The following NKTR variants were observed in gnomAD, a reference collection of about 807,000 sequenced individuals.
NKTR encodes the protein NK-tumor recognition protein.
In NKTR, 67 loss-of-function variants were observed where a neutral mutation model predicts 156.3. The ratio of observed to expected loss-of-function variants is 0.43; its 90% CI spans 0.35 to 0.53. The LOEUF is 0.53. Among genes scored for constraint, NKTR ranks in the 20% least tolerant of loss-of-function variants. The pLI is 0.01. For missense variants in NKTR, 1,604 were observed against 1,730.9 expected, an observed-to-expected ratio of 0.93 and a Z score of 1.30; for synonymous variants, 640 against 596.6, an observed-to-expected ratio of 1.07 and a Z score of -1.06.
intron 2 of NKTR, among the ~76,000 whole-genome samples, chr3:42,613,404 C>A (rs9847303): frequency 2.3e-3 from 349 of 152,248 alleles, no homozygotes; most frequent in African/African-American, 8.2e-3. Context: ...TTGCTCTTGG[C>A]CTACCTAGTG....
intron 6 of NKTR, chr3:42,629,306 T>A: frequency 1.0e-6 from 1 of 964,812 alleles, no homozygotes; most frequent in Non-Finnish European, 1.2e-6. Flanking sequence ...TATTTGAGAT[T>A]TTTGCTTTTA....
rs1208110669 is a variant in NKTR, at chr3:42,617,644, G to C, written c.133G>C (p.Gly45Arg). Residue 45 changes from glycine (G) to arginine (R), a missense_variant and splice_region_variant, in exon 3 of 17, where the codon GGA becomes CGA. Physicochemically the swap from Gly to Arg is moderately radical, Grantham distance 125. Coordinates refer to ENST00000232978, the MANE Select transcript of NKTR (RefSeq NM_005385.4). ...TCKNFLCLCS[G>R]EKGLGKTTGK... Reference sequence around the variant, plus strand: ...CAAAAACTTCCTTTGCTTGTGCTCAGGTAAGTGAATTATTATTTCCAATGA... The same window carrying C: ...CAAAAACTTCCTTTGCTTGTGCTCACGTAAGTGAATTATTATTTCCAATGA... 6.5e-7 allele frequency: 1 copy of C among 1,541,300 alleles called. No homozygotes were observed. Among genetic ancestry groups the C allele is most frequent in the Non-Finnish European group, 9.0e-7 (1 of 1,114,428 alleles).
chr3:42,600,936 C>T (rs1705345548), intron 1 of NKTR, 48 bp from the exon 2 acceptor site: 40 of 1,247,234 alleles, frequency 3.2e-5, no homozygotes, highest in Non-Finnish European at 4.2e-5. Context: ...CTGCCCTCGC[C>T]CCCGCCCTCG....
At chr3:42,630,432 TA>T (rs1708786773) in intron 6 of NKTR, 113 bp from the exon 7 acceptor site, 1 of 1,553,414 alleles carries the variant, frequency 6.4e-7, no homozygotes, top group Non-Finnish European at 8.7e-7. Flanking sequence ...CTTTTTCCCC[TA>T]TCTTTTTATC....
At chr3:42,628,659 C>A (rs1004161786) in intron 6 of NKTR, 4 of 985,352 alleles carry the variant, frequency 4.1e-6, no homozygotes, top group African/African-American at 1.7e-5. Flanking sequence ...GTTTTTACTT[C>A]TAAATATTTG....
chr3:42,622,860 A>C (rs1281415161), intron 6 of NKTR, among the ~76,000 whole-genome samples: 1 of 152,056 alleles, frequency 6.6e-6, no homozygotes, highest in Non-Finnish European at 1.5e-5. Flanking sequence ...AACTGTGAAC[A>C]TGAAAAACGT....
Position 42,636,906 on chromosome 3 carries a change from G to A in NKTR, c.1202G>A (p.Ser401Asn), listed in dbSNP as rs1271586336. The A allele has an allele frequency of 1.3e-6, 2 of 1,579,880 alleles. No individual in the cohort carries two copies. Among genetic ancestry groups the A allele is most frequent in the East Asian group, 2.2e-5 (1 of 44,718 alleles). Residue 401 changes from serine (S) to asparagine (N), a missense_variant, in exon 13 of 17, where the codon AGC becomes AAC. Physicochemically the swap from Ser to Asn is conservative, Grantham distance 46. Coordinates refer to ENST00000232978, the MANE Select transcript of NKTR (RefSeq NM_005385.4). ...DPCSSRWDER[S>N]LSQRSRSWSY... ...TGTTCAAGCCGATGGGATGAAAGAA[G>A]CTTGTCTCAGAGATCCAGATCATGG...
At chr3:42,625,658 G>T (rs1029782234) in intron 6 of NKTR, among the ~76,000 whole-genome samples, 1 of 152,118 alleles carries the variant, frequency 6.6e-6, no homozygotes, top group Non-Finnish European at 1.5e-5. Context: ...TATGTAAGAA[G>T]AAATGCTAGT....
intron 3 of NKTR, 142 bp from the exon 4 acceptor site, chr3:42,618,878 T>C: frequency 2.9e-6 from 2 of 679,184 alleles, no homozygotes. Flanking sequence ...GTATGTTAAA[T>C]TATCATGTCA....
intron 2 of NKTR, among the ~76,000 whole-genome samples, chr3:42,609,679 G>A (rs559166840): frequency 1.0e-3 from 159 of 152,320 alleles, no homozygotes; most frequent in South Asian, 2.3e-3. Flanking sequence ...TTTGAGTCTT[G>A]TCTAAGAACA....
intron 6 of NKTR, 82 bp from the exon 7 acceptor site, chr3:42,630,464 A>T: frequency 6.3e-7 from 1 of 1,598,662 alleles, no homozygotes; most frequent in Non-Finnish European, 8.5e-7. Flanking sequence ...TGTTCTCTAC[A>T]TGCTGTGTTT....
chr3:42,646,615 C>T lies in NKTR; in HGVS notation c.*640C>T, dbSNP rs1189517318. The T allele has an allele frequency of 6.6e-6, 1 of 152,624 alleles. No homozygotes were observed. Among genetic ancestry groups the T allele is most frequent in the African/African-American group, 2.4e-5 (1 of 41,436 alleles). The allele number at this position is 152,624 out of a possible 1,614,324, so 9.5% of individuals were successfully genotyped here. On this transcript the variant is annotated 3_prime_UTR_variant, in exon 17 of 17. Coordinates refer to ENST00000232978, the MANE Select transcript of NKTR (RefSeq NM_005385.4). ...GGCAAGGTTAGGAAGAATCAATCAG[C>T]CTTAACTATAAATACCTGCACTGTC...
intron 8 of NKTR, among the ~76,000 whole-genome samples, chr3:42,632,312 T>C (rs1708991809): frequency 6.6e-6 from 1 of 151,900 alleles, no homozygotes; most frequent in African/African-American, 2.4e-5. Context: ...CTCAAGTGAT[T>C]TGCTCACCTT....
intron 6 of NKTR, chr3:42,630,288 G>T: frequency 8.3e-7 from 1 of 1,210,756 alleles, no homozygotes; most frequent in East Asian, 3.5e-5. Context: ...AAGTCAAACT[G>T]ATTTCATATG....
At chr3:42,642,637 GTCC>G in intron 14 of NKTR, 41 bp downstream of exon 14, 1 of 1,449,808 alleles carries the variant, frequency 6.9e-7, no homozygotes, top group South Asian at 1.1e-5. Context: ...TCTCCATCAT[GTCC>G]ACTTTTTAAG....
intron 8 of NKTR, among the ~76,000 whole-genome samples, chr3:42,632,366 G>A (rs976039750): frequency 7.9e-5 from 12 of 151,650 alleles, no homozygotes; most frequent in Non-Finnish European, 1.8e-4. Context: ...TCACTGCACC[G>A]GGCCTATTTC....
At chr3:42,642,187 G>GT (rs1709944753) in intron 13 of NKTR, among the ~76,000 whole-genome samples, 1 of 151,836 alleles carries the variant, frequency 6.6e-6, no homozygotes, top group Non-Finnish European at 1.5e-5. Context: ...CTACCTTAAT[G>GT]TTTTTTTAAC....
At chr3:42,608,451 A>G (rs1443696326) in intron 2 of NKTR, among the ~76,000 whole-genome samples, 1 of 152,154 alleles carries the variant, frequency 6.6e-6, no homozygotes, top group Non-Finnish European at 1.5e-5. Flanking sequence ...TGCCTAGGGC[A>G]AGGTATTGTA....
At chr3:42,610,311 T>G (rs2125767500) in intron 2 of NKTR, among the ~76,000 whole-genome samples, 1 of 152,248 alleles carries the variant, frequency 6.6e-6, no homozygotes, top group South Asian at 2.1e-4. Flanking sequence ...TAGCCTACAT[T>G]GACTAGAATT....
Sources: allele counts gnomAD v4.1 joint callset (sites outside exome capture counted in the v4.1 genomes callset), GRCh38; gene constraint gnomAD v4.1.1; transcripts MANE v1.5; gene names NCBI Gene and HGNC (gene_info 2026-07-23, HGNC 2026-07-21).